The following ZC4H2 variants were observed in gnomAD, a reference collection of about 807,000 sequenced individuals.
The protein encoded by ZC4H2 is zinc finger C4H2-type containing.
For synonymous variants in ZC4H2, 84 were observed against 66.3 expected, an observed-to-expected ratio of 1.27 and a Z score of -1.30; for missense variants, 137 against 173.9, an observed-to-expected ratio of 0.79 and a Z score of 1.19.
intron 1 of ZC4H2, among the ~76,000 whole-genome samples, chrX:65,009,655 A>C (rs910395285): frequency 4.5e-5 from 5 of 112,209 alleles, no homozygotes; most frequent in Non-Finnish European, 9.4e-5. Context: ...GCTGTGTATT[A>C]TGAAAGATTC....
intron 1 of ZC4H2, among the ~76,000 whole-genome samples, chrX:64,945,300 C>T (rs2147380229): frequency 8.9e-6 from 1 of 112,305 alleles, no homozygotes; most frequent in South Asian, 3.7e-4. Context: ...GATGTTATTG[C>T]TTTGTGTTTG....
At chrX:65,018,808 A>T in intron 1 of ZC4H2, among the ~76,000 whole-genome samples, 1 of 111,440 alleles carries the variant, frequency 9.0e-6, no homozygotes, top group Non-Finnish European at 1.9e-5. Context: ...CTGCCAGTAC[A>T]GCAGTCTAAG....
chrX:64,932,049 A>G (rs1447625925), intron 1 of ZC4H2, among the ~76,000 whole-genome samples: 1 of 111,090 alleles, frequency 9.0e-6, no homozygotes, highest in Non-Finnish European at 1.9e-5. Context: ...TTAGGTGCAT[A>G]TAATTTAGGA....
At position 64,915,845 on chromosome X, in the gene ZC4H2, T is replaced by A. The variant is rs1463953687; in HGVS notation, c.*1938A>T. 8.9e-6 allele frequency: 1 copy of A among 112,073 alleles called. No individual in the cohort carries two copies. Among genetic ancestry groups the A allele is most frequent in the Non-Finnish European group, 1.9e-5 (1 of 53,249 alleles). The allele number at this position is 112,073 out of a possible 1,213,427, so 9.2% of individuals were successfully genotyped here. On this transcript the variant is annotated 3_prime_UTR_variant, in exon 5 of 5. Coordinates refer to ENST00000374839, the MANE Select transcript of ZC4H2 (RefSeq NM_018684.4). ...GACACTGAGGCACAGAGAGGTTTTA[T>A]TTAGCTGTTGAATTCCCTGACAAGC...
At chrX:65,011,454 G>A (rs1932754511) in intron 1 of ZC4H2, among the ~76,000 whole-genome samples, 1 of 111,389 alleles carries the variant, frequency 9.0e-6, no homozygotes, top group Admixed American at 9.6e-5. Flanking sequence ...GAGAGGTCTG[G>A]AACCCAATTT....
At chrX:64,920,681 G>A (rs761439965) in intron 2 of ZC4H2, among the ~76,000 whole-genome samples, 2 of 112,208 alleles carry the variant, frequency 1.8e-5, no homozygotes, top group Non-Finnish European at 3.8e-5. Flanking sequence ...ATCAAATCCT[G>A]CATAAAGACT....
Position 64,917,586 on chromosome X carries a change from G to T in ZC4H2, c.*197C>A. On this transcript the variant is annotated 3_prime_UTR_variant, in exon 5 of 5. Transcript: ENST00000374839. ...TCATCAGACACACTGTTTAGCACCTGAACCACATCTCTTCCTAAACCAGAA... is the reference window on the plus strand; with the variant it reads ...TCATCAGACACACTGTTTAGCACCTTAACCACATCTCTTCCTAAACCAGAA... 5.6e-6 allele frequency: 3 copies of T among 535,138 alleles called. No individual in the cohort carries two copies. The highest frequency in any genetic ancestry group is 5.8e-6 in the Non-Finnish European group (2 of 345,748). 44.1% of individuals were successfully genotyped at this position (535,138 alleles called of 1,213,427 possible). A position where few individuals can be genotyped will look rare whatever the true frequency, so the allele number is the denominator to read the frequency against.
At chrX:65,006,738 T>C (rs1450051101) in intron 1 of ZC4H2, among the ~76,000 whole-genome samples, 1 of 112,087 alleles carries the variant, frequency 8.9e-6, no homozygotes, top group East Asian at 2.8e-4. Context: ...TCAACTTCAT[T>C]ATAATCTTAT....
In ZC4H2 at chrX:64,920,061, A is replaced by C; in HGVS notation, c.398+20T>G. On this transcript the variant is annotated intron_variant, in intron 3 of 4. Coordinates refer to ENST00000374839, the MANE Select transcript of ZC4H2 (RefSeq NM_018684.4). ...GTCGGAGGGAGGGTATGTTGTAGGGACTGGGGGCAGGTAGCTTACTCCAAG... is the reference window on the plus strand; with the variant it reads ...GTCGGAGGGAGGGTATGTTGTAGGGCCTGGGGGCAGGTAGCTTACTCCAAG... 2 of 1,205,027 alleles carry C rather than the reference A, an allele frequency of 1.7e-6. No homozygotes were observed. Among genetic ancestry groups the C allele is most frequent in the Non-Finnish European group, 2.2e-6 (2 of 892,644 alleles).
At chrX:64,970,526 AAGGAAGGAAGGG>A (rs1289216797) in intron 1 of ZC4H2, among the ~76,000 whole-genome samples, 1 of 109,419 alleles carries the variant, frequency 9.1e-6, no homozygotes, top group African/African-American at 3.3e-5. Context: ...GGGGGGAAGG[AAGGAAGGAAGGG>A]AGGAAGGAAG....
chrX:64,958,061 T>A (rs1931226421), intron 1 of ZC4H2, among the ~76,000 whole-genome samples: 2 of 110,574 alleles, frequency 1.8e-5, no homozygotes, highest in African/African-American at 3.3e-5. Flanking sequence ...TTACAGTTAT[T>A]TTTTTTTAAT....
intron 1 of ZC4H2, among the ~76,000 whole-genome samples, chrX:64,941,246 T>C (rs1166374806): frequency 4.4e-5 from 5 of 112,384 alleles, no homozygotes; most frequent in African/African-American, 1.6e-4. Context: ...ATTGATTTTC[T>C]ATCCTGAGAC....
intron 1 of ZC4H2, among the ~76,000 whole-genome samples, chrX:65,014,877 T>C (rs1932787234): frequency 8.9e-6 from 1 of 112,018 alleles, no homozygotes; most frequent in South Asian, 3.7e-4. Flanking sequence ...CAATTTCATA[T>C]AATTCTCAAT....
chrX:64,988,904 G>T (rs1402397291), intron 1 of ZC4H2, among the ~76,000 whole-genome samples: 1 of 101,117 alleles, frequency 9.9e-6, no homozygotes, highest in Non-Finnish European at 1.9e-5. Flanking sequence ...TTTGTATAAG[G>T]TGTAAGGAAG....
chrX:65,015,159 G>T (rs1010825318), intron 1 of ZC4H2, among the ~76,000 whole-genome samples: 1 of 111,573 alleles, frequency 9.0e-6, no homozygotes, highest in Non-Finnish European at 1.9e-5. Flanking sequence ...AAAATGCCAA[G>T]AAATCAGAAC....
intron 1 of ZC4H2, among the ~76,000 whole-genome samples, chrX:65,034,468 T>C: frequency 1.8e-5 from 2 of 111,481 alleles, no homozygotes; most frequent in Middle Eastern, 4.6e-3. Flanking sequence ...TAAAAACAAA[T>C]AAAAGACAAA....
At chrX:64,918,171 G>C (rs908619030) in intron 4 of ZC4H2, 9 of 241,189 alleles carry the variant, frequency 3.7e-5, no homozygotes, top group African/African-American at 2.6e-4. Flanking sequence ...ATGAAGCATT[G>C]TCTAACAGGC....
chrX:64,979,713 A>G (rs1401053851), upstream of ZC4H2, among the ~76,000 whole-genome samples: 1 of 112,160 alleles, frequency 8.9e-6, no homozygotes, highest in Non-Finnish European at 1.9e-5. Context: ...TCAATTGATC[A>G]GAAGTTTGCA....
At chrX:64,974,973 C>CAAA (rs58569761) in intron 1 of ZC4H2, among the ~76,000 whole-genome samples, 4 of 35,848 alleles carry the variant, frequency 1.1e-4, no homozygotes, top group Admixed American at 7.5e-4. Context: ...ATGCTTTTGC[C>CAAA]AAAAAAAAAA....
Sources: gnomAD v4.1 joint callset for allele counts (sites outside exome capture counted in the v4.1 genomes callset) on GRCh38, gnomAD v4.1.1 for gene constraint, MANE v1.5 for transcripts, NCBI Gene and HGNC (gene_info 2026-07-23, HGNC 2026-07-21) for gene names.